F8: variants seen among roughly 807,000 people sequenced by gnomAD.
The protein encoded by F8 is antihemophilic factor.
Under a neutral mutation model 140.6 loss-of-function variants are expected in F8, and 12 were observed. The observed-to-expected ratio is 0.09, with a 90% CI of 0.05 to 0.14. The LOEUF is 0.14. Ranked by LOEUF, F8 falls within the 10% of genes least tolerant of loss-of-function variation. The pLI, the probability that F8 is intolerant of heterozygous loss-of-function variation, is 1.00. For synonymous variants in F8, 585 were observed against 614.6 expected, an observed-to-expected ratio of 0.95 and a Z score of 0.71; for missense variants, 1,354 against 1,720.7, an observed-to-expected ratio of 0.79 and a Z score of 3.77.
rs782149210 is a variant in F8, at chrX:154,966,442, G to T, written c.1255C>A (p.Leu419Ile). The T allele has an allele frequency of 8.3e-7, 1 of 1,211,089 alleles. No individual in the cohort carries two copies. The highest frequency in any genetic ancestry group is 1.8e-5 in the South Asian group (1 of 56,923). The change falls in exon 8 of 26, where the codon CTC becomes ATC. Residue 419 changes from leucine (L) to isoleucine (I), a missense_variant. By Grantham distance (5) the Leu-to-Ile change is conservative. This residue lies in a region of F8 where 252 missense variants were observed against 338.5 expected (regional missense o/e 0.74). Coordinates refer to ENST00000360256, the MANE Select transcript of F8 (RefSeq NM_000132.4). ...EEDWDYAPLV[L>I]APDDRSYKSQ... is the part of the protein sequence containing the mutation. ...AGTGCTTACCTGTCATCGGGGGCGA[G>T]GACTAAGGGAGCATAGTCCCAGTCC...
intron 25 of F8, among the ~76,000 whole-genome samples, chrX:154,854,640 G>T (rs1163920215): frequency 9.2e-6 from 1 of 109,013 alleles, no homozygotes; most frequent in African/African-American, 3.3e-5. Context: ...TCTTGGTTCT[G>T]GTTTTGTTTC....
chrX:154,850,993 T>G (rs1437324610), intron 25 of F8, among the ~76,000 whole-genome samples: 1 of 112,304 alleles, frequency 8.9e-6, no homozygotes, highest in African/African-American at 3.2e-5. Flanking sequence ...ATCACCACTA[T>G]CTAGTTCCAG....
At chrX:154,994,491 C>T (rs1002573747) in intron 3 of F8, among the ~76,000 whole-genome samples, 22 of 112,318 alleles carry the variant, frequency 2.0e-4, no homozygotes, top group African/African-American at 6.2e-4. Flanking sequence ...GTTGTTTAGG[C>T]CCATAGTCTC....
At chrX:154,867,785 T>C (rs1338488950) in intron 22 of F8, among the ~76,000 whole-genome samples, 2 of 97,608 alleles carry the variant, frequency 2.0e-5, no homozygotes, top group East Asian at 6.7e-4. Context: ...GATACAAAAA[T>C]CCTCAACAAA....
intron 5 of F8, among the ~76,000 whole-genome samples, chrX:154,986,732 T>C (rs1371103345): frequency 9.0e-6 from 1 of 111,444 alleles, no homozygotes; most frequent in African/African-American, 3.3e-5. Flanking sequence ...AAGAATATTA[T>C]GTTACTATGA....
intron 18 of F8, 72 bp downstream of exon 18, chrX:154,903,834 G>A: frequency 3.2e-6 from 3 of 941,677 alleles, no homozygotes; most frequent in Non-Finnish European, 4.6e-6. Flanking sequence ...TGTGTTCCCA[G>A]TGCCTAGACC....
At chrX:154,934,352 A>C (rs1373318962) in intron 13 of F8, among the ~76,000 whole-genome samples, 3 of 111,533 alleles carry the variant, frequency 2.7e-5, no homozygotes, top group Non-Finnish European at 5.7e-5. Context: ...AGCCTCCCAA[A>C]GTGCTGGGAT....
intron 13 of F8, among the ~76,000 whole-genome samples, chrX:154,938,735 A>G (rs1479273888): frequency 1.8e-5 from 2 of 111,044 alleles, no homozygotes; most frequent in African/African-American, 6.5e-5. Flanking sequence ...GGCAAAATAA[A>G]GACCCATTCT....
chrX:154,997,028 A>G lies in F8; in HGVS notation c.333T>C (p.Ala111=). 1 of 1,210,949 alleles carries G rather than the reference A, an allele frequency of 8.3e-7. No homozygotes were observed. Among genetic ancestry groups the G allele is most frequent in the Non-Finnish European group, 1.1e-6 (1 of 894,767 alleles). The change falls in exon 3 of 26, where the codon GCT becomes GCC. Residue 111 remains alanine (A), a synonymous_variant. Coordinates refer to ENST00000360256, the MANE Select transcript of F8 (RefSeq NM_000132.4). ...DTVVITLKNM[A]SHPVSLHAVG... The stretch of plus-strand genomic sequence containing the variant: ...CAGCATGAAGACTGACAGGATGGGA[A>G]GCCATGTTCTTAAGTGTAATGACCA...
At position 154,868,489 on chromosome X, in the gene F8, C is replaced by T. The variant is rs782444487; in HGVS notation, c.6430-5262G>A. Among the ~76,000 whole-genome samples, 359 of 111,371 alleles carry T rather than the reference C, an allele frequency of 3.2e-3. 4 individuals are homozygous for T. Among genetic ancestry groups the T allele is most frequent in the Non-Finnish European group, 5.2e-3 (276 of 53,047 alleles). On this transcript the variant is annotated intron_variant, in intron 22 of 25. Coordinates refer to ENST00000360256, the MANE Select transcript of F8 (RefSeq NM_000132.4). ...AGAAATGAAATTCTTTACAGACAAC[C>T]GAATGCTGAGGGATTTTGTCACCAT...
intron 25 of F8, among the ~76,000 whole-genome samples, chrX:154,842,187 G>C (rs1274925666): frequency 9.0e-6 from 1 of 110,937 alleles, no homozygotes; most frequent in African/African-American, 3.3e-5. Flanking sequence ...AATTTTTGTG[G>C]GATCTTTATT....
chrX:154,923,614 A>G (rs1039500804), intron 14 of F8, among the ~76,000 whole-genome samples: 2 of 112,208 alleles, frequency 1.8e-5, no homozygotes, highest in Non-Finnish European at 3.8e-5. Context: ...AGGCGGGCGG[A>G]TCATAAGGTC....
intron 12 of F8, among the ~76,000 whole-genome samples, chrX:154,949,350 A>G (rs895564762): frequency 5.3e-5 from 6 of 112,276 alleles, no homozygotes; most frequent in African/African-American, 1.6e-4. Context: ...ACTGTAATCA[A>G]TTAAGCTGTC....
At position 154,931,194 on chromosome X, in the gene F8, T is replaced by C; in HGVS notation, c.2596A>G (p.Met866Val). Residue 866 changes from methionine to valine, a missense_variant, in exon 14 of 26, where the codon ATG becomes GTG. This residue lies in a region of F8 where 658 missense variants were observed against 666.5 expected (regional missense o/e 0.99). Transcript: ENST00000360256. The part of the protein sequence containing the change: ...FRPQLHHSGD[M>V]VFTPESGLQL... ...AGGCCTGACTCAGGGGTAAATACCA[T>C]GTCCCCACTGTGATGGAGCTGTGGC... 1.7e-6 allele frequency: 2 copies of C among 1,210,852 alleles called. No homozygotes were observed. Among genetic ancestry groups the C allele is most frequent in the African/African-American group, 1.7e-5 (1 of 57,790 alleles).
intron 22 of F8, among the ~76,000 whole-genome samples, chrX:154,895,278 A>C (rs2072973211): frequency 8.9e-6 from 1 of 112,351 alleles, no homozygotes; most frequent in African/African-American, 3.2e-5. Context: ...GAAGCAGGAA[A>C]ATGGATCTAA....
chrX:154,999,456 G>A, intron 2 of F8, 23 bp downstream of exon 2: 1 of 1,196,207 alleles, frequency 8.4e-7, no homozygotes, highest in Non-Finnish European at 1.1e-6. Flanking sequence ...TTCATAAATA[G>A]CATTCAACAT....
intron 23 of F8, 117 bp downstream of exon 23, chrX:154,862,966 C>A (rs2072704688): frequency 1.1e-5 from 9 of 829,890 alleles, no homozygotes; most frequent in Non-Finnish European, 1.6e-5. Flanking sequence ...GGTTTTAGCA[C>A]TGACAATTTT....
rs376704038 is a variant in F8, at chrX:154,931,055, T to C, written c.2735A>G (p.Asn912Ser). The change falls in exon 14 of 26, where the codon AAT (asparagine) becomes AGT (serine). Residue 912 changes from asparagine to serine, a missense_variant. Coordinates refer to ENST00000360256, the MANE Select transcript of F8 (RefSeq NM_000132.4). ...TGTATTATCAGTACCTGCTGCCAAATTGTCTGATGGAATTGTTGAAATCAG... is the reference window on the plus strand; with the variant it reads ...TGTATTATCAGTACCTGCTGCCAAACTGTCTGATGGAATTGTTGAAATCAG... The part of the protein sequence containing the change: ...NNLISTIPSD[N>S]LAAGTDNTSS... 13 of 1,196,561 alleles carry C rather than the reference T, an allele frequency of 1.1e-5. No individual in the cohort carries two copies. The African/African-American group carries it at 1.6e-4, about 15-fold the overall frequency.
In F8 at chrX:155,022,528, A is replaced by G; in HGVS notation, c.25T>C (p.Phe9Leu). ...CAGAATCGCAAAAGGCACAGAAAGA[A>G]GCAGGTGGAGAGCTCTATTTGCATG... is the stretch of plus-strand genomic sequence containing the variant. MQIELSTCFFLCLLRFCFS... is the reference protein window; with the variant it reads MQIELSTCLFLCLLRFCFS... Residue 9 changes from phenylalanine to leucine, a missense_variant, in exon 1 of 26, where the codon TTC (phenylalanine) becomes CTC (leucine). This residue lies in a region of F8 where 128 missense variants were observed against 230.4 expected (regional missense o/e 0.56). Transcript: ENST00000360256. 8.3e-7 allele frequency: 1 copy of G among 1,212,021 alleles called. No homozygotes were observed. The highest frequency in any genetic ancestry group is 1.1e-6 in the Non-Finnish European group (1 of 895,466).
Sources: gnomAD v4.1 joint callset for allele counts (sites outside exome capture counted in the v4.1 genomes callset) on GRCh38, gnomAD v4.1.1 for gene constraint, gnomAD v4.1.1 regional missense constraint, MANE v1.5 for transcripts, NCBI Gene and HGNC (gene_info 2026-07-23, HGNC 2026-07-21) for gene names.